Variants in VPS13B observed in about 807,000 individuals in gnomAD.
The protein encoded by VPS13B is intermembrane lipid transfer protein VPS13B.
A neutral mutation model predicts 426.4 loss-of-function variants in VPS13B; 285 were observed. The observed-to-expected ratio is 0.67, with a 90% CI of 0.61 to 0.74. The LOEUF (loss-of-function observed/expected upper bound fraction) is 0.74. VPS13B is among the 30% of genes least tolerant of loss of function. VPS13B has a pLI of 0.00. For missense variants in VPS13B, 4,537 were observed against 4,782.6 expected (o/e 0.95, Z 1.51); for synonymous variants, 1,676 against 1,676.4 (o/e 1.00, Z 0.01).
intron 19 of VPS13B, among the ~76,000 whole-genome samples, chr8:99,354,775 T>C (rs1812091575): frequency 6.6e-6 from 1 of 152,190 alleles, no homozygotes; most frequent in Non-Finnish European, 1.5e-5. Flanking sequence ...TAGGCTGGTC[T>C]TGAACTCCTT....
At chr8:99,820,148 G>A (rs748689756) in intron 49 of VPS13B, 26 bp downstream of exon 49, 59 of 1,594,314 alleles carry the variant, frequency 3.7e-5, no homozygotes, top group South Asian at 2.1e-4. Flanking sequence ...TAACTAATAC[G>A]AATTCTTATC....
intron 47 of VPS13B, among the ~76,000 whole-genome samples, 191 bp from the exon 48 acceptor site, chr8:99,819,221 A>G (rs1436767335): frequency 6.6e-6 from 1 of 152,134 alleles, no homozygotes; most frequent in East Asian, 1.9e-4. Context: ...ATCAACACCC[A>G]GGAATTGAGG....
chr8:99,206,076 A>G (rs1484690005), intron 17 of VPS13B, among the ~76,000 whole-genome samples: 2 of 152,214 alleles, frequency 1.3e-5, no homozygotes, highest in African/African-American at 4.8e-5. Flanking sequence ...CTCTTAAATC[A>G]TAGAAATTCT....
At chr8:99,065,200 C>T (rs920834732) in intron 3 of VPS13B, among the ~76,000 whole-genome samples, 2 of 152,064 alleles carry the variant, frequency 1.3e-5, no homozygotes, top group African/African-American at 4.8e-5. Context: ...ACTGTATCAA[C>T]ACAACAAAAA....
intron 35 of VPS13B, 127 bp from the exon 36 acceptor site, chr8:99,699,398 T>G: frequency 1.0e-6 from 1 of 983,478 alleles, no homozygotes; most frequent in East Asian, 2.6e-5. Context: ...TATATCATGT[T>G]CAGGCATCCT....
intron 33 of VPS13B, among the ~76,000 whole-genome samples, chr8:99,585,204 C>A (rs185037686): frequency 6.6e-6 from 1 of 152,168 alleles, no homozygotes; most frequent in East Asian, 1.9e-4. Flanking sequence ...AGTGAAGGAA[C>A]TGTGCAGGGA....
At chr8:99,125,009 T>C (rs915534806) in intron 8 of VPS13B, among the ~76,000 whole-genome samples, 1 of 151,880 alleles carries the variant, frequency 6.6e-6, no homozygotes, top group African/African-American at 2.4e-5. Flanking sequence ...TCCACTTAGA[T>C]GATGTTCTCT....
chr8:99,050,510 T>G (rs959054298), intron 3 of VPS13B, among the ~76,000 whole-genome samples: 3 of 152,226 alleles, frequency 2.0e-5, no homozygotes, highest in Admixed American at 1.3e-4. Flanking sequence ...TGCATGTGTC[T>G]TTATAGCAGC....
In VPS13B at chr8:99,174,297, A is replaced by G. The variant is rs141431819; in HGVS notation, c.2333+4134A>G. On this transcript the variant is annotated intron_variant, in intron 16 of 61. Transcript: ENST00000357162. ...CTGCTGTGAACATGCATGTACAAAT[A>G]TCTGTTTGAGTCTCTGCTTTCAGTT... is the stretch of plus-strand genomic sequence containing the variant. Among the ~76,000 whole-genome samples, 962 of 152,302 alleles carry G rather than the reference A, an allele frequency of 6.3e-3. 8 individuals carry two copies. Among genetic ancestry groups the G allele is most frequent in the African/African-American group, 0.022 (903 of 41,576 alleles).
rs115547784 is a variant in VPS13B at position 99,257,203 on chromosome 8, C to A, written c.2516-16995C>A. On this transcript the variant is annotated intron_variant, in intron 17 of 61. Transcript: ENST00000357162. The stretch of plus-strand genomic sequence containing the variant: ...TTTTGGAGGGAATATATATTCAAAC[C>A]GTAGCAGCAACTGATTGCCCTAAAC... Among the ~76,000 whole-genome samples, 507 of 152,130 alleles carry A rather than the reference C, an allele frequency of 3.3e-3. 2 individuals carry two copies. The highest frequency in any genetic ancestry group is 0.011 in the African/African-American group (451 of 41,528).
At chr8:99,402,052 C>G in intron 21 of VPS13B, among the ~76,000 whole-genome samples, 1 of 152,068 alleles carries the variant, frequency 6.6e-6, no homozygotes, top group Non-Finnish European at 1.5e-5. Context: ...ATGTTATTAT[C>G]TGAAAGTTTA....
intron 17 of VPS13B, among the ~76,000 whole-genome samples, chr8:99,239,076 C>G (rs903934779): frequency 7.9e-5 from 12 of 152,080 alleles, no homozygotes; most frequent in South Asian, 4.1e-4. Context: ...GAGGCCCTTA[C>G]ATTTGACCTT....
At chr8:99,854,395 T>A in intron 56 of VPS13B, 139 bp downstream of exon 56, 1 of 1,011,948 alleles carries the variant, frequency 9.9e-7, no homozygotes. Flanking sequence ...TACACAGAAC[T>A]GGATCTAAAT....
At chr8:99,313,583 A>C (rs1266851603) in intron 19 of VPS13B, among the ~76,000 whole-genome samples, 1 of 152,040 alleles carries the variant, frequency 6.6e-6, no homozygotes, top group African/African-American at 2.4e-5. Flanking sequence ...CCCTTACTGG[A>C]GGGTGCCTCC....
chr8:99,682,145 C>A (rs947001335), intron 35 of VPS13B, among the ~76,000 whole-genome samples: 40 of 152,222 alleles, frequency 2.6e-4, no homozygotes, highest in African/African-American at 9.4e-4. Context: ...AGACAGAGAT[C>A]CAAGATTGCT....
intron 34 of VPS13B, among the ~76,000 whole-genome samples, chr8:99,645,336 T>A (rs923852230): frequency 1.3e-5 from 2 of 152,332 alleles, no homozygotes; most frequent in African/African-American, 2.4e-5. Context: ...TACTTAGCAT[T>A]GAGCCAGCAG....
At position 99,090,180 on chromosome 8, in the gene VPS13B, T is replaced by A. The variant is rs536705078; in HGVS notation, c.292-6132T>A. Among the ~76,000 whole-genome samples the A allele has an allele frequency of 5.9e-5, 9 of 152,252 alleles. No individual in the cohort carries two copies. In the East Asian group the frequency reaches 1.7e-3, roughly 29 times the overall value. On this transcript the variant is annotated intron_variant, in intron 3 of 61. Coordinates refer to ENST00000357162, the MANE Select transcript of VPS13B (RefSeq NM_152564.5). Reference sequence around the variant, plus strand: ...TTTTAGTTTATGCCTACTCTCCACTTTTCTTAAGAGAAGCTCTACTTTTCT... The same window carrying A: ...TTTTAGTTTATGCCTACTCTCCACTATTCTTAAGAGAAGCTCTACTTTTCT...
intron 33 of VPS13B, among the ~76,000 whole-genome samples, chr8:99,597,231 T>C (rs1827064750): frequency 6.6e-6 from 1 of 152,014 alleles, no homozygotes; most frequent in South Asian, 2.1e-4. Context: ...ATTGTTGTAC[T>C]CCATCCTCCT....
intron 23 of VPS13B, among the ~76,000 whole-genome samples, chr8:99,463,742 G>A (rs1032606554): frequency 3.9e-5 from 6 of 152,074 alleles, no homozygotes; most frequent in African/African-American, 1.4e-4. Context: ...GCCCAGGCTG[G>A]AGTGCAGTGG....
Sources: allele counts gnomAD v4.1 joint callset (sites outside exome capture counted in the v4.1 genomes callset), GRCh38; gene constraint gnomAD v4.1.1; transcripts MANE v1.5; gene names NCBI Gene and HGNC (gene_info 2026-07-23, HGNC 2026-07-21).